Variants in EXOC6 observed in about 807,000 individuals in gnomAD.
EXOC6 encodes the protein SEC15-like 1.
Under a neutral mutation model 112.5 loss-of-function variants are expected in EXOC6, and 60 were observed. The ratio of observed to expected loss-of-function variants is 0.53; its 90% confidence interval spans 0.43 to 0.66. The LOEUF (loss-of-function observed/expected upper bound fraction) is 0.66, where lower values mean the gene tolerates loss of function less well. EXOC6 is among the 30% of genes least tolerant of loss of function. EXOC6 has a pLI of 0.00. For synonymous variants in EXOC6, 295 were observed against 308.0 expected, an observed-to-expected ratio of 0.96 and a Z score of 0.44; for missense variants, 855 against 957.1, an observed-to-expected ratio of 0.89 and a Z score of 1.41.
At chr10:93,031,514 T>C (rs835268) in intron 20 of EXOC6, among the ~76,000 whole-genome samples, 14,160 of 69,728 alleles carry the variant, frequency 0.2, 493 homozygotes, top group African/African-American at 0.33. Flanking sequence ...TTCTTTCTTT[T>C]TTTTTTTTTT....
chr10:93,009,438 G>A (rs1844142562), intron 19 of EXOC6, among the ~76,000 whole-genome samples: 1 of 152,030 alleles, frequency 6.6e-6, no homozygotes, highest in South Asian at 2.1e-4. Flanking sequence ...CAGGCATTGC[G>A]CTAGGTGATA....
At chr10:92,910,370 A>C (rs1481027025) in intron 6 of EXOC6, among the ~76,000 whole-genome samples, 1 of 152,236 alleles carries the variant, frequency 6.6e-6, no homozygotes, top group Non-Finnish European at 1.5e-5. Context: ...AATTGAATAC[A>C]AAAAGGCACA....
Position 92,909,469 on chromosome 10 carries a change from G to A in EXOC6, c.501G>A (p.Val167=), listed in dbSNP as rs1252055155. The change falls in exon 6 of 22, where the codon GTG becomes GTA. Residue 167 remains valine (V), a synonymous_variant. Coordinates refer to ENST00000260762, the MANE Select transcript of EXOC6 (RefSeq NM_019053.6). ...AAACTATGGAACAATTAGAGAATGTGTACTTTCCCTGGGTTAGTCAATACC... is the reference window on the plus strand; with the variant it reads ...AAACTATGGAACAATTAGAGAATGTATACTTTCCCTGGGTTAGTCAATACC... ...ALKTMEQLEN[V]YFPWVSQYRF... 1.2e-6 allele frequency: 2 copies of A among 1,613,478 alleles called. No individual in the cohort carries two copies. Among genetic ancestry groups the A allele is most frequent in the Non-Finnish European group, 1.7e-6 (2 of 1,179,654 alleles).
At chr10:92,925,317 CAG>C (rs777068318) in intron 8 of EXOC6, among the ~76,000 whole-genome samples, 2 of 151,016 alleles carry the variant, frequency 1.3e-5, no homozygotes, top group African/African-American at 2.4e-5. Context: ...TTTTTTAAGA[CAG>C]AGTCGTGCTC....
chr10:93,035,383 A>G (rs80330302), intron 20 of EXOC6, among the ~76,000 whole-genome samples: 2,845 of 152,306 alleles, frequency 0.019, 82 homozygotes, highest in African/African-American at 0.065. Context: ...ATGATTTTTC[A>G]AAAACCAAAA....
At chr10:93,050,759 C>CAAAAAAAATAAA (rs1846244440) in intron 20 of EXOC6, among the ~76,000 whole-genome samples, 1 of 37,306 alleles carries the variant, frequency 2.7e-5, no homozygotes, top group Non-Finnish European at 4.4e-5. Context: ...GACTCCGTCT[C>CAAAAAAAATAAA]AAAAAAAAAA....
chr10:93,007,903 G>A (rs942305271), intron 19 of EXOC6, among the ~76,000 whole-genome samples: 4 of 151,928 alleles, frequency 2.6e-5, no homozygotes, highest in Non-Finnish European at 5.9e-5. Context: ...GGCCGGGTGC[G>A]GTGGCTCACG....
chr10:92,866,150 TCTTA>T (rs1392240022), intron 1 of EXOC6, among the ~76,000 whole-genome samples: 2 of 152,218 alleles, frequency 1.3e-5, no homozygotes, highest in African/African-American at 4.8e-5. Flanking sequence ...TATATTTCTC[TCTTA>T]CTATTTTTCC....
At chr10:93,011,222 C>CTTTT (rs1844228214) in intron 19 of EXOC6, among the ~76,000 whole-genome samples, 1 of 112,700 alleles carries the variant, frequency 8.9e-6, no homozygotes, top group Non-Finnish European at 1.9e-5. Context: ...TTTTTGTGAC[C>CTTTT]AAAAAAAAAA....
intron 20 of EXOC6, among the ~76,000 whole-genome samples, chr10:93,043,308 ACT>A (rs1188269079): frequency 5.3e-5 from 8 of 152,062 alleles, no homozygotes; most frequent in African/African-American, 1.9e-4. Flanking sequence ...GTCGTTGCAT[ACT>A]CTCTTAATTA....
intron 13 of EXOC6, among the ~76,000 whole-genome samples, chr10:92,944,835 C>G (rs1388627020): frequency 1.3e-5 from 2 of 150,136 alleles, no homozygotes; most frequent in African/African-American, 4.9e-5. Context: ...TGCAATGGTG[C>G]AATCTCAGCT....
chr10:92,994,655 AAT>A (rs1470127948), intron 18 of EXOC6, among the ~76,000 whole-genome samples: 9 of 152,004 alleles, frequency 5.9e-5, no homozygotes, highest in Non-Finnish European at 1.0e-4. Context: ...TTTTTTTGTT[AAT>A]GTTAAAAACT....
intron 20 of EXOC6, among the ~76,000 whole-genome samples, chr10:93,055,589 AATGTG>A (rs750727227): frequency 1.8e-4 from 27 of 152,220 alleles, no homozygotes; most frequent in Non-Finnish European, 4.0e-4. Context: ...AGGAGGGAAA[AATGTG>A]GCCAAACAAC....
intron 5 of EXOC6, among the ~76,000 whole-genome samples, chr10:92,908,598 C>T (rs952533229): frequency 2.0e-5 from 3 of 152,108 alleles, no homozygotes; most frequent in South Asian, 4.1e-4. Context: ...AGTCCAGCTA[C>T]GAATTAATAT....
At chr10:92,870,713 CTTTT>C (rs35387359) in intron 1 of EXOC6, among the ~76,000 whole-genome samples, 1 of 143,200 alleles carries the variant, frequency 7.0e-6, no homozygotes, top group African/African-American at 2.5e-5. Context: ...TAGGTGTTAT[CTTTT>C]TTTTTTTTTT....
chr10:92,978,311 G>A (rs968580900), intron 18 of EXOC6, among the ~76,000 whole-genome samples: 3 of 152,094 alleles, frequency 2.0e-5, no homozygotes, highest in Admixed American at 6.5e-5. Context: ...TCAGGATGCT[G>A]AGGTAGGAGG....
upstream of EXOC6, among the ~76,000 whole-genome samples, chr10:92,832,452 A>T (rs1416582579): frequency 2.0e-5 from 3 of 151,940 alleles, no homozygotes; most frequent in Non-Finnish European, 2.9e-5. Flanking sequence ...TAATTTTTTA[A>T]TTTTTAGTAG....
chr10:92,915,986 TGATTTA>T lies in EXOC6; in HGVS notation c.819+75_819+80del, dbSNP rs1349612477. ...TTTTGGATTGTAATGTACATCTGTG[TGATTTA>T]GTCTTCCTGTATGCAAAATAAATTT... On this transcript the variant is annotated intron_variant, in intron 7 of 21. Transcript: ENST00000260762. 16 of 1,062,366 alleles carry T rather than the reference TGATTTA, an allele frequency of 1.5e-5. No individual in the cohort carries two copies. In the East Asian group the frequency reaches 4.7e-4, roughly 31 times the overall value. 65.8% of individuals were successfully genotyped at this position (1,062,366 alleles called of 1,614,324 possible).
chr10:92,957,443 A>G (rs1013938655), intron 17 of EXOC6, among the ~76,000 whole-genome samples: 3 of 152,142 alleles, frequency 2.0e-5, no homozygotes, highest in Non-Finnish European at 4.4e-5. Context: ...GCTTTTCTCA[A>G]AATCTGCCTG....
Sources: gnomAD v4.1 joint callset for allele counts (sites outside exome capture counted in the v4.1 genomes callset) on GRCh38, gnomAD v4.1.1 for gene constraint, MANE v1.5 for transcripts, NCBI Gene and HGNC (gene_info 2026-07-23, HGNC 2026-07-21) for gene names.